PITPNA: variants seen among roughly 807,000 people sequenced by gnomAD.
PITPNA encodes the protein phosphatidylinositol transfer protein alpha isoform.
Under a neutral mutation model 50.3 loss-of-function variants are expected in PITPNA, and 13 were observed. The ratio of observed to expected loss-of-function variants is 0.26; its 90% CI spans 0.17 to 0.41. The LOEUF is 0.41. PITPNA is among the 10% of genes least tolerant of loss of function. The pLI is 1.00. For missense variants in PITPNA, 207 were observed against 333.4 expected, an observed-to-expected ratio of 0.62 and a Z score of 2.95; for synonymous variants, 120 against 119.6, an observed-to-expected ratio of 1.00 and a Z score of -0.02.
At chr17:1,558,455 C>T in intron 2 of PITPNA, 74 bp downstream of exon 2, 1 of 890,368 alleles carries the variant, frequency 1.1e-6, no homozygotes, top group Admixed American at 2.0e-5. Flanking sequence ...ACAGGATAAC[C>T]ACTCAGAGCC....
intron 10 of PITPNA, among the ~76,000 whole-genome samples, chr17:1,530,573 A>G (rs911580113): frequency 6.6e-6 from 1 of 152,230 alleles, no homozygotes; most frequent in Non-Finnish European, 1.5e-5. Flanking sequence ...ATCTGCCTGC[A>G]CTAGACGACT....
chr17:1,534,354 C>A, intron 9 of PITPNA, 133 bp from the exon 10 acceptor site: 2 of 1,040,548 alleles, frequency 1.9e-6, no homozygotes, highest in African/African-American at 1.6e-5. Flanking sequence ...TAATGCCCGG[C>A]TGGTTATCTG....
intron 1 of PITPNA, chr17:1,561,083 C>T (rs889531998): frequency 3.5e-4 from 53 of 152,358 alleles, no homozygotes; most frequent in African/African-American, 1.3e-3. Flanking sequence ...GCTTCTGGCC[C>T]TCCCTCCAGG....
chr17:1,523,505 C>CTT (rs11401118), intron 10 of PITPNA, among the ~76,000 whole-genome samples: 8,468 of 117,324 alleles, frequency 0.072, 548 homozygotes, highest in African/African-American at 0.084. Flanking sequence ...CCACGCCTGG[C>CTT]TTTTTTTTTT....
chr17:1,538,724 C>T (rs148899187), intron 7 of PITPNA, 145 bp downstream of exon 7: 7 of 579,994 alleles, frequency 1.2e-5, no homozygotes, highest in African/African-American at 1.9e-5. Context: ...AAGAAATCTC[C>T]TAATACTCAC....
chr17:1,528,851 T>G (rs754848013), intron 10 of PITPNA, among the ~76,000 whole-genome samples: 1 of 152,008 alleles, frequency 6.6e-6, no homozygotes, highest in Non-Finnish European at 1.5e-5. Context: ...TAAGACTCCC[T>G]GAGTGGCTGG....
intron 5 of PITPNA, among the ~76,000 whole-genome samples, chr17:1,542,257 G>A (rs565600904): frequency 1.3e-5 from 2 of 151,454 alleles, no homozygotes; most frequent in African/African-American, 2.4e-5. Context: ...AAACAGTTTC[G>A]TCTGACTTCA....
At position 1,534,158 on chromosome 17, in the gene PITPNA, C is replaced by G; in HGVS notation, c.709G>C (p.Asp237His). 1 of 1,613,922 alleles carries G rather than the reference C, an allele frequency of 6.2e-7. No homozygotes were observed. Among genetic ancestry groups the G allele is most frequent in the Non-Finnish European group, 8.5e-7 (1 of 1,179,858 alleles). ...QLFCWLDKWV[D>H]LTMDDIRRME... ...CTTCGAATGTCGTCCATGGTCAGGT[C>G]AACCCACTTATCGAGCCAACAGAAC... is the stretch of plus-strand genomic sequence containing the variant. Residue 237 changes from aspartate to histidine, a missense_variant, in exon 10 of 12, where the codon GAC (aspartate) becomes CAC (histidine). Physicochemically the swap from Asp to His is moderately conservative, Grantham distance 81 (BLOSUM62 -1). Transcript: ENST00000313486.
intron 7 of PITPNA, among the ~76,000 whole-genome samples, chr17:1,536,292 T>C (rs950498860): frequency 1.6e-4 from 25 of 151,596 alleles, no homozygotes; most frequent in African/African-American, 6.1e-4. Context: ...TTTTTTTTTT[T>C]TTCTTTTTTT....
intron 11 of PITPNA, 127 bp downstream of exon 11, chr17:1,521,452 G>A (rs968720713): frequency 1.4e-5 from 10 of 696,716 alleles, no homozygotes; most frequent in African/African-American, 3.5e-5. Flanking sequence ...GCTATCGAGC[G>A]TGGCAACCAT....
chr17:1,536,668 A>G (rs7207572), intron 7 of PITPNA, among the ~76,000 whole-genome samples: 6,729 of 151,966 alleles, frequency 0.044, 518 homozygotes, highest in African/African-American at 0.15. Flanking sequence ...ATCTCAGCTC[A>G]CTGCAACTTC....
intron 3 of PITPNA, among the ~76,000 whole-genome samples, chr17:1,552,287 C>G (rs2075713557): frequency 1.3e-5 from 2 of 152,180 alleles, no homozygotes; most frequent in Non-Finnish European, 2.9e-5. Context: ...TTTACCTTTA[C>G]CAGTTCTGGA....
chr17:1,529,110 C>T (rs1157764729), intron 10 of PITPNA, among the ~76,000 whole-genome samples: 1 of 144,074 alleles, frequency 6.9e-6, no homozygotes, highest in Non-Finnish European at 1.5e-5. Flanking sequence ...TGCAGTCCAG[C>T]CTGGGCGACA....
intron 4 of PITPNA, among the ~76,000 whole-genome samples, chr17:1,545,826 T>C (rs768663485): frequency 5.3e-5 from 8 of 151,460 alleles, no homozygotes; most frequent in Non-Finnish European, 8.8e-5. Context: ...ATGTCCACAC[T>C]TGCAACACAT....
intron 6 of PITPNA, 63 bp from the exon 7 acceptor site, chr17:1,539,015 G>C: frequency 1.9e-6 from 2 of 1,049,180 alleles, no homozygotes; most frequent in Admixed American, 3.7e-5. Context: ...CCTTTAGCCA[G>C]AATGGACACC....
chr17:1,540,511 T>A (rs2075642694), intron 6 of PITPNA, among the ~76,000 whole-genome samples: 2 of 152,152 alleles, frequency 1.3e-5, no homozygotes, highest in African/African-American at 4.8e-5. Context: ...CTCTATTGGT[T>A]TTTCCATGGC....
chr17:1,535,130 C>A, intron 9 of PITPNA, 52 bp downstream of exon 9: 1 of 1,133,740 alleles, frequency 8.8e-7, no homozygotes, highest in Non-Finnish European at 1.3e-6. Context: ...TCCACCACCC[C>A]CCCACAACAC....
At chr17:1,558,969 G>A (rs1005561267) in intron 1 of PITPNA, among the ~76,000 whole-genome samples, 16 of 152,050 alleles carry the variant, frequency 1.1e-4, no homozygotes, top group Non-Finnish European at 1.9e-4. Context: ...CCAATGAGTC[G>A]TCCCCCCAAC....
intron 3 of PITPNA, among the ~76,000 whole-genome samples, chr17:1,551,700 C>T (rs568288282): frequency 1.3e-5 from 2 of 152,344 alleles, no homozygotes; most frequent in African/African-American, 4.8e-5. Context: ...ACCAACTTCA[C>T]CATCTCTTTT....
Sources: gnomAD v4.1 joint callset for allele counts (sites outside exome capture counted in the v4.1 genomes callset) on GRCh38, gnomAD v4.1.1 for gene constraint, MANE v1.5 for transcripts, NCBI Gene and HGNC (gene_info 2026-07-23, HGNC 2026-07-21) for gene names.